The following CHST12 variants were observed in gnomAD, a reference collection of about 807,000 sequenced individuals.
CHST12 encodes the protein carbohydrate sulfotransferase 12, also known as carbohydrate (chondroitin 4) sulfotransferase 12.
In CHST12, 23 loss-of-function variants were observed where a neutral mutation model predicts 27.9. That is an observed-to-expected ratio of 0.82 (90% CI 0.59 to 1.17). The LOEUF is 1.17. Ranked by LOEUF, CHST12 falls within the 50% of genes most tolerant of loss-of-function variation. The pLI, the probability that CHST12 is intolerant of heterozygous loss-of-function variation, is 0.00. For missense variants in CHST12, 682 were observed against 603.0 expected, an observed-to-expected ratio of 1.13 and a Z score of -1.37; for synonymous variants, 322 against 273.0, an observed-to-expected ratio of 1.18 and a Z score of -1.77.
intron 1 of CHST12, among the ~76,000 whole-genome samples, chr7:2,410,832 G>A (rs1025864901): frequency 6.6e-6 from 1 of 152,030 alleles, no homozygotes; most frequent in Non-Finnish European, 1.5e-5. Context: ...CCTGGTCACG[G>A]GCCATCAGAA....
chr7:2,433,731 C>T lies in CHST12; in HGVS notation c.1092C>T (p.Phe364=), dbSNP rs758895814. The T allele has an allele frequency of 9.3e-6, 15 of 1,613,490 alleles. No individual in the cohort carries two copies. Among genetic ancestry groups the T allele is most frequent in the Admixed American group, 1.7e-5 (1 of 59,988 alleles). The change falls in exon 2 of 2, where the codon TTC becomes TTT. Residue 364 remains phenylalanine, a synonymous_variant. Transcript: ENST00000618655. This position sits in a 1 kb window ranked among gnomAD's most constrained non-coding sequence, Gnocchi z 6.1. ...TCCAGGTGGACCGGCAGCTCCGCTT[C>T]CCCCCGAGCTACCGGAACAGGACCG... The part of the protein sequence containing the change: ...QLLQVDRQLR[F]PPSYRNRTAS...
chr7:2,425,952 T>C (rs1583220423), intron 1 of CHST12, among the ~76,000 whole-genome samples: 1 of 151,916 alleles, frequency 6.6e-6, no homozygotes, highest in East Asian at 1.9e-4. Flanking sequence ...GGTTAGACGC[T>C]CTGGGGGAAG....
chr7:2,441,759 G>T lies in CHST12; in HGVS notation c.*7875G>T, dbSNP rs952069530. On this transcript the variant is annotated 3_prime_UTR_variant, in exon 2 of 2. Coordinates refer to ENST00000618655, the MANE Select transcript of CHST12 (RefSeq NM_018641.5). Reference sequence around the variant, plus strand: ...GAAGGCCATCCTGTTTAGAAGAGTGGGTTTCTCATAAGAAAAAAAAGAAAA... The same window carrying T: ...GAAGGCCATCCTGTTTAGAAGAGTGTGTTTCTCATAAGAAAAAAAAGAAAA... The T allele has an allele frequency of 6.6e-6, 1 of 151,738 alleles. No homozygotes were observed. The highest frequency in any genetic ancestry group is 6.6e-5 in the Admixed American group (1 of 15,198). 9.4% of individuals were successfully genotyped at this position (151,738 alleles called of 1,614,324 possible).
rs1782699519 is a variant in CHST12 at position 2,444,490 on chromosome 7, C to G, written c.*10606C>G. The G allele has an allele frequency of 6.5e-6, 1 of 153,048 alleles. No homozygotes were observed. 9.5% of individuals were successfully genotyped at this position (153,048 alleles called of 1,614,324 possible). On this transcript the variant is annotated 3_prime_UTR_variant, in exon 2 of 2. Coordinates refer to ENST00000618655, the MANE Select transcript of CHST12 (RefSeq NM_018641.5). ...CAAAAAACAAACAAAAATCAAAGTG[C>G]CAACCTCTGGGCTGTCCCCTCCTGG...
At chr7:2,426,716 G>C (rs1782131316) in intron 1 of CHST12, among the ~76,000 whole-genome samples, 2 of 152,056 alleles carry the variant, frequency 1.3e-5, no homozygotes, top group African/African-American at 4.8e-5. Flanking sequence ...TACAGTCCGG[G>C]TGTGGTGGCT....
In CHST12 at chr7:2,441,482, C is replaced by T. The variant is rs565131884; in HGVS notation, c.*7598C>T. 1.3e-5 allele frequency: 2 copies of T among 152,222 alleles called. No individual in the cohort carries two copies. Among genetic ancestry groups the T allele is most frequent in the African/African-American group, 2.4e-5 (1 of 41,518 alleles). 9.4% of individuals were successfully genotyped at this position (152,222 alleles called of 1,614,324 possible). On this transcript the variant is annotated 3_prime_UTR_variant, in exon 2 of 2. Transcript: ENST00000618655. ...TCAAGGCAGGAGTATTGCTTGAGCC[C>T]AGAAGTTTGAGACCAGTCTGGGCAA...
At chr7:2,419,190 C>T (rs1781895141) in intron 1 of CHST12, among the ~76,000 whole-genome samples, 1 of 152,134 alleles carries the variant, frequency 6.6e-6, no homozygotes, top group African/African-American at 2.4e-5. Context: ...AGGTAGATCA[C>T]TTGAGCCCAG....
At chr7:2,414,307 G>A (rs1781748178) in intron 1 of CHST12, among the ~76,000 whole-genome samples, 1 of 151,014 alleles carries the variant, frequency 6.6e-6, no homozygotes, top group African/African-American at 2.4e-5. Flanking sequence ...CTCTGAGACA[G>A]AGTTTTGGTC....
chr7:2,419,996 T>G (rs1222472962), intron 1 of CHST12, among the ~76,000 whole-genome samples: 1 of 112,082 alleles, frequency 8.9e-6, no homozygotes, highest in African/African-American at 3.2e-5. Flanking sequence ...TTTTTTGAGA[T>G]GGAGTCTCGC....
At chr7:2,430,158 G>A (rs1782237470) in intron 1 of CHST12, among the ~76,000 whole-genome samples, 1 of 151,776 alleles carries the variant, frequency 6.6e-6, no homozygotes, top group African/African-American at 2.4e-5. Context: ...TCTATTCTGT[G>A]TACTTTAACT....
chr7:2,405,181 G>A (rs918691724), intron 1 of CHST12, among the ~76,000 whole-genome samples: 2 of 152,094 alleles, frequency 1.3e-5, no homozygotes, highest in Non-Finnish European at 2.9e-5. Context: ...GAGGTGGCTC[G>A]TGACTGTAAT....
chr7:2,430,602 G>A (rs1339012621), intron 1 of CHST12, among the ~76,000 whole-genome samples: 2 of 152,060 alleles, frequency 1.3e-5, no homozygotes, highest in African/African-American at 2.4e-5. Flanking sequence ...ACAGGCATAA[G>A]CCACCATGCC....
chr7:2,439,996 A>C lies in CHST12; in HGVS notation c.*6112A>C, dbSNP rs1249889617. ...CAGCCTCCCAAAGTGCTGGGATTAC[A>C]GGCGTGGGCTGCTGTGCCCAGCAGG... is the stretch of plus-strand genomic sequence containing the variant. On this transcript the variant is annotated 3_prime_UTR_variant, in exon 2 of 2. Coordinates refer to ENST00000618655, the MANE Select transcript of CHST12 (RefSeq NM_018641.5). 1 of 152,260 alleles carries C rather than the reference A, an allele frequency of 6.6e-6. No homozygotes were observed. Among genetic ancestry groups the C allele is most frequent in the East Asian group, 1.9e-4 (1 of 5,158 alleles). 9.4% of individuals were successfully genotyped at this position (152,260 alleles called of 1,614,324 possible). A position where few individuals can be genotyped will look rare whatever the true frequency, so the allele number is the denominator to read the frequency against.
At chr7:2,412,650 T>C (rs1315176687) in intron 1 of CHST12, among the ~76,000 whole-genome samples, 2 of 152,158 alleles carry the variant, frequency 1.3e-5, no homozygotes, top group South Asian at 4.1e-4. Context: ...CCTAAACATA[T>C]ACTGTAGAGG....
chr7:2,426,653 A>ATC (rs967238876), intron 1 of CHST12, among the ~76,000 whole-genome samples: 3 of 151,648 alleles, frequency 2.0e-5, no homozygotes, highest in African/African-American at 7.3e-5. Context: ...TAAAGCACTC[A>ATC]GATTGTTGCT....
rs35870806 is a variant in CHST12 at position 2,419,401 on chromosome 7, CAAAA to C, written c.-77-13143_-77-13140del. On this transcript the variant is annotated intron_variant, in intron 1 of 1. Transcript: ENST00000618655. Reference sequence around the variant, plus strand: ...GAATGATAGAGTGGAACCCTGTCTCCAAAAAAAAAAAAAAAAAAAAAATGGCTGG... The same window carrying C: ...GAATGATAGAGTGGAACCCTGTCTCCAAAAAAAAAAAAAAAAAATGGCTGG... Among the ~76,000 whole-genome samples the C allele has an allele frequency of 4.2e-3, 480 of 113,058 alleles. 3 individuals are homozygous for C. Among genetic ancestry groups the C allele is most frequent in the South Asian group, 0.019 (65 of 3,392 alleles). The allele number at this position is 113,058 out of a possible 152,430, so 74.2% of individuals were successfully genotyped here. A position where few individuals can be genotyped will look rare whatever the true frequency, so the allele number is the denominator to read the frequency against.
chr7:2,404,560 T>C (rs1336017596), intron 1 of CHST12, among the ~76,000 whole-genome samples: 3 of 152,196 alleles, frequency 2.0e-5, no homozygotes, highest in Non-Finnish European at 4.4e-5. Context: ...CTGTGGGTGG[T>C]TGGGGACAGC....
chr7:2,429,249 G>T (rs762632823), intron 1 of CHST12, among the ~76,000 whole-genome samples: 14 of 152,118 alleles, frequency 9.2e-5, no homozygotes, highest in Non-Finnish European at 2.1e-4. Flanking sequence ...GTTTCAGGGG[G>T]TCTCCCTACA....
intron 1 of CHST12, among the ~76,000 whole-genome samples, chr7:2,421,423 T>C (rs1781971735): frequency 6.7e-6 from 1 of 150,158 alleles, no homozygotes; most frequent in South Asian, 2.1e-4. Flanking sequence ...TTTTTTAGTT[T>C]GGTTTTTTTT....
Sources: allele counts gnomAD v4.1 joint callset (sites outside exome capture counted in the v4.1 genomes callset), GRCh38; gene constraint gnomAD v4.1.1; non-coding constraint Gnocchi (gnomAD v3.1); transcripts MANE v1.5; gene names NCBI Gene and HGNC (gene_info 2026-07-23, HGNC 2026-07-21).